The following CEP70 variants were observed in gnomAD, a reference collection of about 807,000 sequenced individuals.
CEP70 encodes centrosomal protein of 70 kDa.
A neutral mutation model predicts 90.9 loss-of-function variants in CEP70; 70 were observed. That is an observed-to-expected ratio of 0.77 (90% CI 0.64 to 0.94). The LOEUF (loss-of-function observed/expected upper bound fraction) is 0.94, where lower values mean the gene tolerates loss of function less well. Ranked by LOEUF, CEP70 falls within the 40% of genes least tolerant of loss-of-function variation. The pLI is 0.00. For synonymous variants in CEP70, 220 were observed against 228.3 expected, an observed-to-expected ratio of 0.96 and a Z score of 0.33; for missense variants, 648 against 669.0, an observed-to-expected ratio of 0.97 and a Z score of 0.35.
At chr3:138,527,162 G>A (rs1215645820) in intron 10 of CEP70, among the ~76,000 whole-genome samples, 2 of 151,770 alleles carry the variant, frequency 1.3e-5, no homozygotes. Context: ...ATAACTTTTA[G>A]AGTTTTTTGT....
At chr3:138,535,560 C>T (rs1576701658) in intron 7 of CEP70, among the ~76,000 whole-genome samples, 2 of 152,186 alleles carry the variant, frequency 1.3e-5, no homozygotes, top group African/African-American at 4.8e-5. Flanking sequence ...GTAGTGGCTA[C>T]AACTCATGTA....
In CEP70 at chr3:138,591,899, G is replaced by A; in HGVS notation, c.-51C>T. ...CTTGCACTTTACACCTGGTCATTCAGGTTGATCTCAATGAAATGATCACCC... is the reference window on the plus strand; with the variant it reads ...CTTGCACTTTACACCTGGTCATTCAAGTTGATCTCAATGAAATGATCACCC... On this transcript the variant is annotated 5_prime_UTR_variant, in exon 2 of 18. Transcript: ENST00000264982. 6.7e-7 allele frequency: 1 copy of A among 1,483,648 alleles called. No individual in the cohort carries two copies. Among genetic ancestry groups the A allele is most frequent in the African/African-American group, 1.4e-5 (1 of 71,056 alleles). 91.9% of individuals were successfully genotyped at this position (1,483,648 alleles called of 1,614,324 possible). A position where few individuals can be genotyped will look rare whatever the true frequency, so the allele number is the denominator to read the frequency against.
At chr3:138,568,948 C>G (rs1201033222) in intron 6 of CEP70, among the ~76,000 whole-genome samples, 1 of 150,630 alleles carries the variant, frequency 6.6e-6, no homozygotes, top group Non-Finnish European at 1.5e-5. Context: ...CACTGCACAC[C>G]ACATCAGCCT....
Position 138,508,441 on chromosome 3 carries a change from G to C in CEP70, c.1048C>G (p.Gln350Glu). ...GTCATGAAAAATCAATTCAATACCT[G>C]AAAGTATCTCTGGTCAATTAGGGCC... ...QQALIDQRYF[Q>E]VLCSINSIIH... Residue 350 changes from glutamine (Q) to glutamate (E), a missense_variant and splice_region_variant, in exon 12 of 18, where the codon CAG becomes GAG. Transcript: ENST00000264982. The C allele has an allele frequency of 6.3e-7, 1 of 1,587,978 alleles. No individual in the cohort carries two copies. The highest frequency in any genetic ancestry group is 1.1e-5 in the South Asian group (1 of 90,562).
At chr3:138,496,358 C>T (rs1469561694) in intron 17 of CEP70, 1 of 985,348 alleles carries the variant, frequency 1.0e-6, no homozygotes, top group African/African-American at 1.7e-5. Context: ...TTGTCTGAAC[C>T]CACTAACAAA....
intron 6 of CEP70, among the ~76,000 whole-genome samples, chr3:138,547,307 C>A (rs552526843): frequency 6.6e-6 from 1 of 152,168 alleles, no homozygotes; most frequent in Non-Finnish European, 1.5e-5. Context: ...TCAGTGGATG[C>A]GCAAAACTTC....
intron 1 of CEP70, among the ~76,000 whole-genome samples, chr3:138,593,233 A>T (rs890786391): frequency 2.0e-5 from 3 of 152,134 alleles, no homozygotes; most frequent in African/African-American, 7.2e-5. Flanking sequence ...TATTATACAT[A>T]TATTTTTGAG....
chr3:138,496,438 C>T, intron 17 of CEP70: 2 of 985,424 alleles, frequency 2.0e-6, no homozygotes, highest in Non-Finnish European at 2.4e-6. Flanking sequence ...AATTCCCTTA[C>T]ATTGTGGTAA....
intron 6 of CEP70, among the ~76,000 whole-genome samples, chr3:138,559,701 G>C (rs566034596): frequency 6.6e-6 from 1 of 152,194 alleles, no homozygotes; most frequent in Admixed American, 6.5e-5. Flanking sequence ...CTCTAGCCTG[G>C]GCAACAGAGC....
rs144489375 is a variant in CEP70 at position 138,589,807 on chromosome 3, C to A, written c.-6+2047G>T. On this transcript the variant is annotated intron_variant, in intron 2 of 17. Transcript: ENST00000264982. ...AGGAGTAATGTATTTAAGAAATTCACGGAAAAGAAGTGTGAGCCAAAGACT... is the reference window on the plus strand; with the variant it reads ...AGGAGTAATGTATTTAAGAAATTCAAGGAAAAGAAGTGTGAGCCAAAGACT... Among the ~76,000 whole-genome samples, 857 of 152,100 alleles carry A rather than the reference C, an allele frequency of 5.6e-3. 6 individuals carry two copies. Among genetic ancestry groups the A allele is most frequent in the African/African-American group, 0.02 (825 of 41,492 alleles).
intron 6 of CEP70, among the ~76,000 whole-genome samples, chr3:138,545,836 T>G (rs1390917318): frequency 6.6e-6 from 1 of 152,174 alleles, no homozygotes; most frequent in Non-Finnish European, 1.5e-5. Flanking sequence ...TTACTAGGAT[T>G]GGGAAATTCC....
At chr3:138,520,191 T>C (rs910229760) in intron 11 of CEP70, among the ~76,000 whole-genome samples, 1 of 152,098 alleles carries the variant, frequency 6.6e-6, no homozygotes, top group African/African-American at 2.4e-5. Flanking sequence ...AGCAAGTCCT[T>C]AGAGACCTAC....
At chr3:138,580,714 G>T (rs1309065988) in intron 2 of CEP70, among the ~76,000 whole-genome samples, 3 of 152,058 alleles carry the variant, frequency 2.0e-5, no homozygotes, top group Non-Finnish European at 4.4e-5. Context: ...AGAGATATGT[G>T]ACCTTTCAGA....
At chr3:138,517,635 C>T (rs2036162029) in intron 11 of CEP70, among the ~76,000 whole-genome samples, 1 of 152,180 alleles carries the variant, frequency 6.6e-6, no homozygotes, top group Admixed American at 6.5e-5. Flanking sequence ...TGCCACTGCA[C>T]TCCAGCATGG....
At chr3:138,584,489 AG>A in intron 2 of CEP70, among the ~76,000 whole-genome samples, 5 of 150,678 alleles carry the variant, frequency 3.3e-5, no homozygotes, top group African/African-American at 1.2e-4. Flanking sequence ...AGAGAGAGAG[AG>A]AGAAAAACCT....
intron 6 of CEP70, among the ~76,000 whole-genome samples, chr3:138,542,183 C>T (rs2038824253): frequency 6.6e-6 from 1 of 152,168 alleles, no homozygotes; most frequent in East Asian, 1.9e-4. Flanking sequence ...CTGGCTGTTG[C>T]AGTGAGGCAG....
intron 6 of CEP70, among the ~76,000 whole-genome samples, chr3:138,537,847 C>T (rs971096806): frequency 1.3e-5 from 2 of 152,098 alleles, no homozygotes; most frequent in Non-Finnish European, 2.9e-5. Context: ...AATCTGGCTT[C>T]ACTTCCCCCA....
intron 11 of CEP70, among the ~76,000 whole-genome samples, chr3:138,509,810 T>C (rs1007510730): frequency 6.6e-6 from 1 of 152,194 alleles, no homozygotes; most frequent in Non-Finnish European, 1.5e-5. Context: ...TGTAACTGTA[T>C]ACATACACTA....
intron 2 of CEP70, among the ~76,000 whole-genome samples, chr3:138,585,755 T>A (rs572747535): frequency 3.5e-4 from 54 of 152,262 alleles, no homozygotes; most frequent in Non-Finnish European, 5.9e-4. Context: ...AGTGAACTCA[T>A]TATTGACAAA....
Sources: gnomAD v4.1 joint callset for allele counts (sites outside exome capture counted in the v4.1 genomes callset) on GRCh38, gnomAD v4.1.1 for gene constraint, MANE v1.5 for transcripts, NCBI Gene and HGNC (gene_info 2026-07-23, HGNC 2026-07-21) for gene names.